NRXN3: variants seen among roughly 807,000 people sequenced by gnomAD.
NRXN3 encodes neurexin 3, also known as neurexin III.
In NRXN3, 32 loss-of-function variants were observed where a neutral mutation model predicts 137.6. That is an observed-to-expected ratio of 0.23 (90% confidence interval 0.18 to 0.31). NRXN3 has a LOEUF of 0.31. Ranked by LOEUF, NRXN3 falls within the 10% of genes least tolerant of loss-of-function variation. The pLI is 1.00. For missense variants in NRXN3, 1,574 were observed against 2,062.5 expected (o/e 0.76, Z 4.59); for synonymous variants, 798 against 784.5 (o/e 1.02, Z -0.29).
chr14:79,714,312 G>C (rs178379), intron 19 of NRXN3, among the ~76,000 whole-genome samples: 58,561 of 152,082 alleles, frequency 0.39, 12,246 homozygotes, highest in East Asian at 0.76. Context: ...CATTGAAGGA[G>C]AGCTAAGTGG....
At chr14:79,119,138 C>T (rs2653540) in intron 15 of NRXN3, among the ~76,000 whole-genome samples, 4,339 of 152,218 alleles carry the variant, frequency 0.029, 205 homozygotes, top group African/African-American at 0.099. Flanking sequence ...TGGGTGATTT[C>T]TCATAACATT....
At chr14:79,322,045 G>A (rs1055166650) in intron 15 of NRXN3, among the ~76,000 whole-genome samples, 6 of 151,946 alleles carry the variant, frequency 3.9e-5, no homozygotes, top group Admixed American at 2.0e-4. Flanking sequence ...ATCAGCCTGG[G>A]CAACACAGCA....
chr14:78,614,034 A>C (rs1029593248), intron 4 of NRXN3, among the ~76,000 whole-genome samples: 1 of 152,202 alleles, frequency 6.6e-6, no homozygotes, highest in Non-Finnish European at 1.5e-5. Context: ...GAGATTATCT[A>C]GTTCAGGGCT....
At chr14:78,302,171 G>C (rs1259215062) in intron 4 of NRXN3, among the ~76,000 whole-genome samples, 1 of 152,056 alleles carries the variant, frequency 6.6e-6, no homozygotes, top group Non-Finnish European at 1.5e-5. Flanking sequence ...TTCAGTCTCT[G>C]TCTCTGTCTC....
chr14:79,263,648 A>G (rs1401991081), intron 15 of NRXN3, among the ~76,000 whole-genome samples: 1 of 152,248 alleles, frequency 6.6e-6, no homozygotes, highest in Admixed American at 6.5e-5. Context: ...AAATAGTAAT[A>G]AATGAAGTAA....
chr14:78,605,232 C>G (rs1240193176), intron 4 of NRXN3, among the ~76,000 whole-genome samples: 1 of 152,098 alleles, frequency 6.6e-6, no homozygotes, highest in Non-Finnish European at 1.5e-5. Flanking sequence ...GACAACTCAC[C>G]TTTGATGTCA....
chr14:79,156,826 T>A (rs1162195825), intron 15 of NRXN3, among the ~76,000 whole-genome samples: 1 of 151,780 alleles, frequency 6.6e-6, no homozygotes, highest in African/African-American at 2.4e-5. Flanking sequence ...CTACTTCTTT[T>A]TATGGCAGAA....
chr14:79,281,210 G>A (rs1378312586), intron 15 of NRXN3, among the ~76,000 whole-genome samples: 1 of 152,092 alleles, frequency 6.6e-6, no homozygotes, highest in Non-Finnish European at 1.5e-5. Context: ...GTAAGATAAG[G>A]CTAAGTTCAT....
chr14:79,756,669 A>G (rs1603465254), intron 19 of NRXN3, among the ~76,000 whole-genome samples: 1 of 152,192 alleles, frequency 6.6e-6, no homozygotes, highest in South Asian at 2.1e-4. Flanking sequence ...TAACTTTCTT[A>G]TACCAGTCAA....
In NRXN3 at chr14:78,754,138, A is replaced by G. The variant is rs554918810; in HGVS notation, c.2044+38999A>G. Among the ~76,000 whole-genome samples, 117 of 152,294 alleles carry G rather than the reference A, an allele frequency of 7.7e-4. No homozygotes were observed. In the Middle Eastern group the frequency reaches 0.01, roughly 13 times the overall value. The stretch of plus-strand genomic sequence containing the variant: ...AGTTTGTAGTTCGAGGTTAGGCGTT[A>G]GTTTCGGATTGTTAAGCTCGAGTTT... On this transcript the variant is annotated intron_variant, in intron 8 of 20. Transcript: ENST00000335750.
At chr14:78,956,523 C>T (rs2099397105) in intron 10 of NRXN3, among the ~76,000 whole-genome samples, 1 of 152,056 alleles carries the variant, frequency 6.6e-6, no homozygotes, top group African/African-American at 2.4e-5. Context: ...ATTAGTCATG[C>T]TTTTGTCCTG....
chr14:79,372,392 A>G (rs1313294844), intron 15 of NRXN3, among the ~76,000 whole-genome samples: 1 of 152,140 alleles, frequency 6.6e-6, no homozygotes, highest in Non-Finnish European at 1.5e-5. Context: ...CCTCCCTGAT[A>G]CAATAAAAAT....
At chr14:79,110,917 A>G (rs1042751823) in intron 15 of NRXN3, among the ~76,000 whole-genome samples, 1 of 151,788 alleles carries the variant, frequency 6.6e-6, no homozygotes, top group South Asian at 2.1e-4. Flanking sequence ...CAGCCTCCCA[A>G]ATAGCTGGGA....
chr14:79,278,524 C>T (rs150539828), intron 15 of NRXN3, among the ~76,000 whole-genome samples: 3 of 152,340 alleles, frequency 2.0e-5, no homozygotes, highest in East Asian at 3.9e-4. Flanking sequence ...GCCCAGGGGA[C>T]TTCACCCACC....
At chr14:79,280,337 G>T (rs1287879801) in intron 15 of NRXN3, 2 of 1,614,024 alleles carry the variant, frequency 1.2e-6, no homozygotes, top group Non-Finnish European at 1.7e-6. Context: ...TCGCCGGCCG[G>T]CCTGGACGCT....
intron 4 of NRXN3, among the ~76,000 whole-genome samples, chr14:78,585,682 A>G (rs2097055437): frequency 6.6e-6 from 1 of 152,032 alleles, no homozygotes; most frequent in Admixed American, 6.5e-5. Context: ...GGCCAGGGTG[A>G]CACCAAGCAT....
intron 4 of NRXN3, among the ~76,000 whole-genome samples, chr14:78,366,617 G>A (rs538642619): frequency 3.3e-5 from 5 of 152,214 alleles, no homozygotes; most frequent in South Asian, 4.1e-4. Context: ...TCACAATTAC[G>A]GTGGAAGGCA....
chr14:79,745,579 G>A (rs1246208653), intron 19 of NRXN3, among the ~76,000 whole-genome samples: 1 of 152,070 alleles, frequency 6.6e-6, no homozygotes, highest in African/African-American at 2.4e-5. Context: ...AGACATGATG[G>A]GTCTGCTGCA....
rs1210092564 is a variant in NRXN3 at position 79,701,504 on chromosome 14, T to TTCCCTCTCTATGTATTC, written c.4014+3570_4014+3586dup. On this transcript the variant is annotated intron_variant, in intron 19 of 20. Coordinates refer to ENST00000335750, the MANE Select transcript of NRXN3 (RefSeq NM_001330195.2). Reference sequence around the variant, plus strand: ...GAAGATGGGACTCAGCAGGGCCCTTTTCCCTCTCTATGTATTCTCTGGGAT... The same window carrying TTCCCTCTCTATGTATTC: ...GAAGATGGGACTCAGCAGGGCCCTTTTCCCTCTCTATGTATTCTCCCTCTCTATGTATTCTCTGGGAT... 9.9e-5 allele frequency among the ~76,000 whole-genome samples: 15 copies of TTCCCTCTCTATGTATTC among 152,140 alleles called. No homozygotes were observed. The South Asian group carries it at 1.0e-3, about 11-fold the overall frequency.
Sources: allele counts gnomAD v4.1 joint callset (sites outside exome capture counted in the v4.1 genomes callset), GRCh38; gene constraint gnomAD v4.1.1; transcripts MANE v1.5; gene names NCBI Gene and HGNC (gene_info 2026-07-23, HGNC 2026-07-21).